Variants in KCNJ6 observed in about 807,000 individuals in gnomAD.
The protein encoded by KCNJ6 is potassium inwardly rectifying channel subfamily J member 6.
KCNJ6 carries 9 observed loss-of-function variants against 34.2 expected under a neutral mutation model. The observed-to-expected ratio is 0.26, with a 90% CI of 0.16 to 0.46. The LOEUF is 0.46. KCNJ6 is among the 20% of genes least tolerant of loss of function. The pLI is 1.00. For missense variants in KCNJ6, 236 were observed against 531.3 expected (o/e 0.44, Z 5.46); for synonymous variants, 196 against 207.1 (o/e 0.95, Z 0.46).
chr21:37,633,006 A>G (rs548551829), intron 3 of KCNJ6, among the ~76,000 whole-genome samples: 1 of 152,254 alleles, frequency 6.6e-6, no homozygotes, highest in Admixed American at 6.5e-5. Context: ...TCTTGATAAT[A>G]AAGTCATAAA....
Position 37,778,752 on chromosome 21 carries a change from A to C in KCNJ6, c.25+61906T>G, listed in dbSNP as rs768098317. Among the ~76,000 whole-genome samples, 10 of 151,278 alleles carry C rather than the reference A, an allele frequency of 6.6e-5. No individual in the cohort carries two copies. In the South Asian group the frequency reaches 1.1e-3, roughly 16 times the overall value. On this transcript the variant is annotated intron_variant, in intron 2 of 3. Coordinates refer to ENST00000609713, the MANE Select transcript of KCNJ6 (RefSeq NM_002240.5). The stretch of plus-strand genomic sequence containing the variant: ...ACACTCATCTTCTGTTTGAATCAAG[A>C]CAACATGTTCCCATCTCCTGTACCC...
intron 1 of KCNJ6, among the ~76,000 whole-genome samples, chr21:37,873,601 A>C (rs66506105): frequency 0.31 from 47,474 of 152,020 alleles, 8,662 homozygotes; most frequent in African/African-American, 0.51. Context: ...CTAATCTATA[A>C]GTGTTTCTGC....
At chr21:37,674,717 C>T (rs1442774132) in intron 3 of KCNJ6, among the ~76,000 whole-genome samples, 1 of 151,738 alleles carries the variant, frequency 6.6e-6, no homozygotes, top group African/African-American at 2.4e-5. Flanking sequence ...ACTTCACCCC[C>T]TCCAGAGCCG....
chr21:37,756,094 G>T (rs2055023291), intron 2 of KCNJ6, among the ~76,000 whole-genome samples: 1 of 152,216 alleles, frequency 6.6e-6, no homozygotes, highest in Non-Finnish European at 1.5e-5. Flanking sequence ...GTAAAGCAGG[G>T]CTGGTGGCAT....
At position 37,622,622 on chromosome 21, in the gene KCNJ6, A is replaced by C. The variant is rs2054293517; in HGVS notation, c.*2537T>G. ...TCTGTCTCCAACTACATTGACAACA[A>C]AGACAGTGAGAAACAGGGAGAGACC... On this transcript the variant is annotated 3_prime_UTR_variant, in exon 4 of 4. Transcript: ENST00000609713. The C allele has an allele frequency of 6.6e-6, 1 of 152,188 alleles. No individual in the cohort carries two copies. Among genetic ancestry groups the C allele is most frequent in the South Asian group, 2.1e-4 (1 of 4,824 alleles). The allele number at this position is 152,188 out of a possible 1,614,324, so 9.4% of individuals were successfully genotyped here.
At chr21:37,870,225 AC>A (rs1421654000) in intron 1 of KCNJ6, among the ~76,000 whole-genome samples, 1 of 51,158 alleles carries the variant, frequency 2.0e-5, no homozygotes, top group African/African-American at 7.3e-5. Context: ...CCCCGCCCCC[AC>A]CCCCCGGCCC....
In KCNJ6 at chr21:37,687,163, C is replaced by T. The variant is rs140285856; in HGVS notation, c.946+27048G>A. 1.3e-3 allele frequency among the ~76,000 whole-genome samples: 203 copies of T among 152,160 alleles called. 1 individual carries two copies. Among genetic ancestry groups the T allele is most frequent in the African/African-American group, 4.6e-3 (189 of 41,526 alleles). On this transcript the variant is annotated intron_variant, in intron 3 of 3. Coordinates refer to ENST00000609713, the MANE Select transcript of KCNJ6 (RefSeq NM_002240.5). ...TGGGTTAAAACTGCATGACAGGCGC[C>T]TCTTAACCTGGGCCTCTTGGGCCTG...
At chr21:37,769,204 G>A (rs2835948) in intron 2 of KCNJ6, among the ~76,000 whole-genome samples, 10,616 of 152,110 alleles carry the variant, frequency 0.07, 388 homozygotes, top group Non-Finnish European at 0.079. Flanking sequence ...AAGAGCTTAC[G>A]TGATGTTCCA....
At chr21:37,737,543 G>A (rs943738026) in intron 2 of KCNJ6, among the ~76,000 whole-genome samples, 1 of 152,230 alleles carries the variant, frequency 6.6e-6, no homozygotes, top group African/African-American at 2.4e-5. Context: ...TCTTTAGGCA[G>A]CTCTGATCAT....
intron 1 of KCNJ6, among the ~76,000 whole-genome samples, chr21:37,902,298 C>T (rs938517302): frequency 1.3e-4 from 20 of 152,234 alleles, no homozygotes; most frequent in African/African-American, 4.3e-4. Flanking sequence ...GTTTAAATAT[C>T]ACATCTGAGT....
chr21:37,692,587 A>G (rs2054644796), intron 3 of KCNJ6, among the ~76,000 whole-genome samples: 1 of 152,152 alleles, frequency 6.6e-6, no homozygotes, highest in Non-Finnish European at 1.5e-5. Flanking sequence ...GAGAGACAAC[A>G]TTCTCTTCTG....
chr21:37,663,882 C>T (rs767275815), intron 3 of KCNJ6, among the ~76,000 whole-genome samples: 2 of 152,312 alleles, frequency 1.3e-5, no homozygotes, highest in Non-Finnish European at 2.9e-5. Context: ...GCCTCATGAA[C>T]ACATGACAAA....
At chr21:37,797,001 G>T (rs1258682766) in intron 2 of KCNJ6, among the ~76,000 whole-genome samples, 1 of 151,562 alleles carries the variant, frequency 6.6e-6, no homozygotes, top group East Asian at 1.9e-4. Context: ...CACCTTGTTA[G>T]CCAGGATGGT....
Position 37,686,369 on chromosome 21 carries a change from G to A in KCNJ6, c.946+27842C>T, listed in dbSNP as rs141767572. ...GAAGGTGGAGGAAGCTAGTGTCTGG[G>A]AAGGAGAGAATGCCTATGATTGAAA... is the stretch of plus-strand genomic sequence containing the variant. On this transcript the variant is annotated intron_variant, in intron 3 of 3. Transcript: ENST00000609713. 2.5e-3 allele frequency among the ~76,000 whole-genome samples: 373 copies of A among 152,096 alleles called. 1 individual carries two copies. In the Middle Eastern group the frequency reaches 0.082, roughly 33 times the overall value.
intron 2 of KCNJ6, among the ~76,000 whole-genome samples, chr21:37,764,714 T>C (rs752916863): frequency 7.2e-5 from 11 of 152,148 alleles, no homozygotes; most frequent in Non-Finnish European, 1.6e-4. Flanking sequence ...CCAAAATGAG[T>C]TTCCAGGCAG....
At chr21:37,857,880 G>T (rs2055573070) in intron 1 of KCNJ6, among the ~76,000 whole-genome samples, 1 of 152,038 alleles carries the variant, frequency 6.6e-6, no homozygotes, top group Non-Finnish European at 1.5e-5. Flanking sequence ...TGAAATAGAG[G>T]CCATATTTAT....
intron 1 of KCNJ6, among the ~76,000 whole-genome samples, chr21:37,895,665 C>A (rs2055784124): frequency 6.6e-6 from 1 of 152,158 alleles, no homozygotes; most frequent in African/African-American, 2.4e-5. Context: ...AGTACATTGT[C>A]CTGATTACTT....
At chr21:37,729,235 G>A (rs1027527740) in intron 2 of KCNJ6, among the ~76,000 whole-genome samples, 4 of 151,936 alleles carry the variant, frequency 2.6e-5, no homozygotes, top group African/African-American at 9.7e-5. Flanking sequence ...ATATGGCTGG[G>A]TAAAATGTGC....
intron 1 of KCNJ6, among the ~76,000 whole-genome samples, chr21:37,873,331 A>G (rs1009277752): frequency 6.6e-6 from 1 of 152,218 alleles, no homozygotes; most frequent in African/African-American, 2.4e-5. Flanking sequence ...CAGTGACTCT[A>G]TGGGCAGATA....
Sources: allele counts gnomAD v4.1 joint callset (sites outside exome capture counted in the v4.1 genomes callset), GRCh38; gene constraint gnomAD v4.1.1; transcripts MANE v1.5; gene names NCBI Gene and HGNC (gene_info 2026-07-23, HGNC 2026-07-21).